Variants in FBXO25 observed in about 807,000 individuals in gnomAD.
FBXO25 encodes the protein F-box protein 25, also known as F-box only protein 25.
In FBXO25, 45 loss-of-function variants were observed where a neutral mutation model predicts 51.9. That is an observed-to-expected ratio of 0.87 (90% confidence interval 0.68 to 1.11). FBXO25 has a LOEUF of 1.11. FBXO25 is among the 50% of genes most tolerant of loss of function. The probability of loss-of-function intolerance (pLI) is 0.00; values close to 1 mark genes in which losing one functional copy is unlikely to be tolerated. For synonymous variants in FBXO25, 199 were observed against 151.0 expected (o/e 1.32, Z -2.33); for missense variants, 507 against 428.5 (o/e 1.18, Z -1.62).
chr8:454,120 G>A lies in FBXO25; in HGVS notation c.660+2667G>A, dbSNP rs576523170. 4.6e-5 allele frequency among the ~76,000 whole-genome samples: 7 copies of A among 151,966 alleles called. No individual in the cohort carries two copies. In the East Asian group the frequency reaches 9.7e-4, roughly 21 times the overall value. On this transcript the variant is annotated intron_variant, in intron 7 of 9. Coordinates refer to ENST00000350302, the MANE Select transcript of FBXO25 (RefSeq NM_183420.2). ...GCGTGGGCGACAAGAGTGAAACTCCGTCTCAAAAAAGAAATACCTCGACAC... is the reference window on the plus strand; with the variant it reads ...GCGTGGGCGACAAGAGTGAAACTCCATCTCAAAAAAGAAATACCTCGACAC...
At chr8:428,284 C>A (rs1359593207) in intron 2 of FBXO25, among the ~76,000 whole-genome samples, 6 of 152,058 alleles carry the variant, frequency 3.9e-5, no homozygotes, top group Non-Finnish European at 8.8e-5. Context: ...GTGGTGCAGC[C>A]TGGGTGTGGA....
intron 2 of FBXO25, among the ~76,000 whole-genome samples, chr8:423,152 AG>A: frequency 6.6e-6 from 1 of 151,090 alleles, no homozygotes; most frequent in East Asian, 1.9e-4. Flanking sequence ...TTGGGACTAC[AG>A]GGTTTTCTCT....
Position 458,510 on chromosome 8 carries a change from C to T in FBXO25, c.802C>T (p.Leu268=), listed in dbSNP as rs1320806936. 1.2e-6 allele frequency: 2 copies of T among 1,614,156 alleles called. No individual in the cohort carries two copies. The highest frequency in any genetic ancestry group is 1.6e-4 in the Middle Eastern group (1 of 6,062). The stretch of plus-strand genomic sequence containing the variant: ...GTATATGCTTAGTGAAGACAGACAG[C>T]TGTGGAAGAAGCTTTGTCAGTACCA... ...TLYMLSEDRQ[L]WKKLCQYHFA... Residue 268 remains leucine, a synonymous_variant, in exon 8 of 10, where the codon CTG becomes TTG. Transcript: ENST00000350302.
chr8:456,045 C>T (rs1799407637), intron 7 of FBXO25, among the ~76,000 whole-genome samples: 1 of 152,132 alleles, frequency 6.6e-6, no homozygotes, highest in South Asian at 2.1e-4. Context: ...CTTCATGCTA[C>T]CTTTAAAGTT....
chr8:453,004 C>T (rs1182158593), intron 7 of FBXO25, among the ~76,000 whole-genome samples: 1 of 152,172 alleles, frequency 6.6e-6, no homozygotes, highest in African/African-American at 2.4e-5. Context: ...CCACTCAGTG[C>T]TGACCATAGC....
chr8:468,006 C>T, intron 9 of FBXO25: 1 of 1,328,820 alleles, frequency 7.5e-7, no homozygotes, highest in South Asian at 1.7e-5. Flanking sequence ...CACTTCACCA[C>T]ACAGCACCTG....
At chr8:412,630 T>G (rs1446768700) in intron 1 of FBXO25, among the ~76,000 whole-genome samples, 1 of 152,220 alleles carries the variant, frequency 6.6e-6, no homozygotes, top group Non-Finnish European at 1.5e-5. Flanking sequence ...TTCTCCATCC[T>G]TAATTCTGGC....
rs1800651049 is a variant in FBXO25 at position 476,618 on chromosome 8, A to G, written c.*7814A>G. 2.0e-5 allele frequency: 3 copies of G among 152,166 alleles called. No individual in the cohort carries two copies. Among genetic ancestry groups the G allele is most frequent in the Admixed American group, 2.0e-4 (3 of 15,274 alleles). 9.4% of individuals were successfully genotyped at this position (152,166 alleles called of 1,614,324 possible). A position where few individuals can be genotyped will look rare whatever the true frequency, so the allele number is the denominator to read the frequency against. On this transcript the variant is annotated 3_prime_UTR_variant, in exon 10 of 10. Coordinates refer to ENST00000350302, the MANE Select transcript of FBXO25 (RefSeq NM_183420.2). ...TTCTAAGAATTTGTCCAGTTCATCT[A>G]GGTTATCCAATTCTTTGATATGTAA...
chr8:425,326 T>A (rs1797406805), intron 2 of FBXO25, among the ~76,000 whole-genome samples: 1 of 152,070 alleles, frequency 6.6e-6, no homozygotes, highest in Non-Finnish European at 1.5e-5. Flanking sequence ...AATCTACACA[T>A]TTTTCTCTCT....
chr8:444,402 C>T (rs765426267), intron 5 of FBXO25, among the ~76,000 whole-genome samples: 6 of 152,140 alleles, frequency 3.9e-5, no homozygotes, highest in Non-Finnish European at 8.8e-5. Flanking sequence ...CCTCGAATTT[C>T]AAATAGCTGT....
chr8:465,856 T>C (rs1403669699), intron 9 of FBXO25, among the ~76,000 whole-genome samples: 4 of 152,202 alleles, frequency 2.6e-5, no homozygotes, highest in Non-Finnish European at 5.9e-5. Context: ...ATATGTAATT[T>C]CTGATTTTTT....
At chr8:443,872 A>G (rs1798577912) in intron 5 of FBXO25, among the ~76,000 whole-genome samples, 1 of 152,190 alleles carries the variant, frequency 6.6e-6, no homozygotes, top group African/African-American at 2.4e-5. Context: ...TTAGATAATC[A>G]AAGTTGAGAT....
In FBXO25 at chr8:432,950, A is replaced by G. The variant is rs1439219600; in HGVS notation, c.288+15A>G. 1 of 1,549,864 alleles carries G rather than the reference A, an allele frequency of 6.5e-7. No homozygotes were observed. Among genetic ancestry groups the G allele is most frequent in the East Asian group, 2.4e-5 (1 of 42,396 alleles). The stretch of plus-strand genomic sequence containing the variant: ...GCACAAAGGAAGTAAGTATTCTATT[A>G]TAAATATGAGAGTATCTTGTATTGT... On this transcript the variant is annotated intron_variant, in intron 4 of 9. Coordinates refer to ENST00000350302, the MANE Select transcript of FBXO25 (RefSeq NM_183420.2).
At chr8:435,365 T>G (rs1211125392) in intron 4 of FBXO25, 3 of 495,536 alleles carry the variant, frequency 6.1e-6, no homozygotes, top group Non-Finnish European at 7.1e-6. Context: ...TTAATAAATA[T>G]TTGTCTTTGT....
chr8:416,578 T>C (rs1319807351), intron 2 of FBXO25, among the ~76,000 whole-genome samples: 1 of 152,162 alleles, frequency 6.6e-6, no homozygotes, highest in Non-Finnish European at 1.5e-5. Context: ...TCTTTGCTCT[T>C]GATGGGAAGG....
At chr8:457,630 T>A (rs1457126942) in intron 7 of FBXO25, among the ~76,000 whole-genome samples, 1 of 152,194 alleles carries the variant, frequency 6.6e-6, no homozygotes, top group African/African-American at 2.4e-5. Flanking sequence ...TGACTGCAGT[T>A]AATAATTATA....
At position 474,951 on chromosome 8, in the gene FBXO25, C is replaced by T. The variant is rs1054280870; in HGVS notation, c.*6147C>T. 4 of 435,452 alleles carry T rather than the reference C, an allele frequency of 9.2e-6. No homozygotes were observed. The highest frequency in any genetic ancestry group is 1.8e-5 in the Non-Finnish European group (4 of 221,178). 27.0% of individuals were successfully genotyped at this position (435,452 alleles called of 1,614,324 possible). On this transcript the variant is annotated 3_prime_UTR_variant, in exon 10 of 10. Coordinates refer to ENST00000350302, the MANE Select transcript of FBXO25 (RefSeq NM_183420.2). ...GTCCCATTCCGTGGATTGCCTTTCA[C>T]TCTGTTTTGTTCTTTGATGTACAGA...
chr8:423,933 C>G (rs1377823465), intron 2 of FBXO25, among the ~76,000 whole-genome samples: 1 of 152,160 alleles, frequency 6.6e-6, no homozygotes, highest in Non-Finnish European at 1.5e-5. Flanking sequence ...ATTCTGTTTT[C>G]TCCTCAGCCT....
At chr8:426,799 C>G (rs867988553) in intron 2 of FBXO25, among the ~76,000 whole-genome samples, 1 of 131,154 alleles carries the variant, frequency 7.6e-6, no homozygotes, top group South Asian at 2.5e-4. Context: ...CCCACATTGG[C>G]TGTGGCTCCA....
Sources: gnomAD v4.1 joint callset for allele counts (sites outside exome capture counted in the v4.1 genomes callset) on GRCh38, gnomAD v4.1.1 for gene constraint, MANE v1.5 for transcripts, NCBI Gene and HGNC (gene_info 2026-07-23, HGNC 2026-07-21) for gene names.